The following SLC2A9 variants were observed in gnomAD, a reference collection of about 807,000 sequenced individuals.
SLC2A9 encodes the protein solute carrier family 2, facilitated glucose transporter member 9.
A neutral mutation model predicts 50.6 loss-of-function variants in SLC2A9; 39 were observed. That is an observed-to-expected ratio of 0.77 (90% CI 0.60 to 1.01). The LOEUF (loss-of-function observed/expected upper bound fraction) is 1.01, where lower values mean the gene tolerates loss of function less well. Ranked by LOEUF, SLC2A9 falls within the 50% of genes least tolerant of loss-of-function variation. SLC2A9 has a pLI of 0.00. For synonymous variants in SLC2A9, 324 were observed against 276.9 expected, an observed-to-expected ratio of 1.17 and a Z score of -1.69; for missense variants, 686 against 677.6, an observed-to-expected ratio of 1.01 and a Z score of -0.14.
upstream of SLC2A9, among the ~76,000 whole-genome samples, chr4:10,025,378 T>C (rs953252964): frequency 6.6e-6 from 1 of 151,952 alleles, no homozygotes; most frequent in African/African-American, 2.4e-5. Context: ...ATGTAAAGAG[T>C]CTCTCTTTAA....
intron 5 of SLC2A9, among the ~76,000 whole-genome samples, chr4:9,972,467 T>A (rs569723594): frequency 3.3e-5 from 5 of 152,256 alleles, no homozygotes; most frequent in Non-Finnish European, 7.3e-5. Context: ...GGAACCAGCA[T>A]TAATTCCTAC....
chr4:9,859,637 CTG>C (rs1276419124), intron 10 of SLC2A9, among the ~76,000 whole-genome samples: 1 of 152,248 alleles, frequency 6.6e-6, no homozygotes, highest in Non-Finnish European at 1.5e-5. Context: ...TTTAAGCACT[CTG>C]TGCACAAGTG....
chr4:9,970,904 G>T (rs1012352679), intron 5 of SLC2A9, among the ~76,000 whole-genome samples: 1 of 152,182 alleles, frequency 6.6e-6, no homozygotes, highest in African/African-American at 2.4e-5. Flanking sequence ...GTTATCTATA[G>T]ATTCCAGACA....
intron 1 of SLC2A9, chr4:10,035,714 C>G (rs1016093896): frequency 1.1e-4 from 16 of 152,190 alleles, no homozygotes; most frequent in African/African-American, 3.4e-4. Flanking sequence ...GGGGCAGGCA[C>G]CATCCATTGA....
chr4:10,025,885 G>GAA, upstream of SLC2A9: 1 of 1,484,062 alleles, frequency 6.7e-7, no homozygotes, highest in Non-Finnish European at 9.2e-7. Context: ...AAGGGAGACA[G>GAA]AAAAAAAAAA....
intron 3 of SLC2A9, 123 bp from the exon 4 acceptor site, chr4:9,985,916 G>A: frequency 2.2e-6 from 3 of 1,394,762 alleles, no homozygotes; most frequent in Non-Finnish European, 3.0e-6. Flanking sequence ...CAGGCACAGT[G>A]CAGGGAGCAC....
intron 5 of SLC2A9, among the ~76,000 whole-genome samples, chr4:9,946,576 G>A (rs554010664): frequency 6.6e-6 from 1 of 152,304 alleles, no homozygotes; most frequent in South Asian, 2.1e-4. Context: ...GGAAGAGCAA[G>A]CCCTACCTTA....
At chr4:9,998,470 T>C (rs902245220) in intron 2 of SLC2A9, among the ~76,000 whole-genome samples, 1 of 152,158 alleles carries the variant, frequency 6.6e-6, no homozygotes, top group African/African-American at 2.4e-5. Context: ...TGAATGGAGC[T>C]TACACAATCC....
intron 6 of SLC2A9, among the ~76,000 whole-genome samples, chr4:9,933,346 T>C (rs1746478272): frequency 6.6e-6 from 1 of 152,196 alleles, no homozygotes; most frequent in Non-Finnish European, 1.5e-5. Flanking sequence ...GTGGCTGAGC[T>C]GGGACTGAGC....
chr4:9,837,012 C>T (rs576630833), intron 10 of SLC2A9, among the ~76,000 whole-genome samples: 17 of 152,272 alleles, frequency 1.1e-4, no homozygotes, highest in African/African-American at 3.6e-4. Flanking sequence ...CTCTCCAGAC[C>T]TTTCACCGTT....
intron 5 of SLC2A9, among the ~76,000 whole-genome samples, chr4:9,972,115 T>A (rs58254467): frequency 1.2e-3 from 181 of 152,370 alleles, no homozygotes; most frequent in African/African-American, 3.9e-3. Flanking sequence ...AACATTGTTT[T>A]CTTTCAGAAA....
At chr4:9,943,446 G>A (rs954082703) in intron 5 of SLC2A9, among the ~76,000 whole-genome samples, 7 of 152,172 alleles carry the variant, frequency 4.6e-5, no homozygotes, top group Non-Finnish European at 1.0e-4. Context: ...AGGAGCTCTC[G>A]CTAGAAGGCT....
chr4:9,848,781 T>C (rs960336276), intron 10 of SLC2A9, among the ~76,000 whole-genome samples: 9 of 149,894 alleles, frequency 6.0e-5, no homozygotes, highest in Non-Finnish European at 1.0e-4. Flanking sequence ...CTCGGCTCAC[T>C]GCAAGCTCCA....
chr4:9,840,982 C>T (rs1223546348), intron 10 of SLC2A9, among the ~76,000 whole-genome samples: 1 of 152,140 alleles, frequency 6.6e-6, no homozygotes, highest in African/African-American at 2.4e-5. Flanking sequence ...AACTCCCTCT[C>T]TATCACAAGA....
chr4:9,865,797 G>A (rs1174139237), intron 10 of SLC2A9, among the ~76,000 whole-genome samples: 1 of 150,794 alleles, frequency 6.6e-6, no homozygotes, highest in Non-Finnish European at 1.5e-5. Flanking sequence ...GCAGGAGCTG[G>A]TTTTGTTAGA....
At chr4:9,796,631 C>T (rs1041830800), downstream of SLC2A9, among the ~76,000 whole-genome samples, 29 of 152,174 alleles carry the variant, frequency 1.9e-4, no homozygotes, top group African/African-American at 6.5e-4. Flanking sequence ...CTCAAAATCT[C>T]AATGCCAGCA....
At chr4:9,779,298 T>C (rs1314507648), downstream of SLC2A9, among the ~76,000 whole-genome samples, 2 of 152,120 alleles carry the variant, frequency 1.3e-5, no homozygotes, top group Admixed American at 1.3e-4. Flanking sequence ...TTGGCCAACC[T>C]CCCCAACTGC....
At chr4:9,814,242 T>C (rs1402773781) in intron 3 of SLC2A9, among the ~76,000 whole-genome samples, 3 of 152,250 alleles carry the variant, frequency 2.0e-5, no homozygotes, top group Admixed American at 6.5e-5. Flanking sequence ...CAGTGGTTTG[T>C]CTTACCTACC....
intron 2 of SLC2A9, among the ~76,000 whole-genome samples, chr4:9,999,575 A>T (rs1044371065): frequency 6.6e-6 from 1 of 152,148 alleles, no homozygotes; most frequent in Non-Finnish European, 1.5e-5. Flanking sequence ...AATTGCAAGG[A>T]GGCCAATAGG....
Sources: gnomAD v4.1 joint callset for allele counts (sites outside exome capture counted in the v4.1 genomes callset) on GRCh38, gnomAD v4.1.1 for gene constraint, MANE v1.5 for transcripts, NCBI Gene and HGNC (gene_info 2026-07-23, HGNC 2026-07-21) for gene names.